SLC13A2: variants seen among roughly 807,000 people sequenced by gnomAD.
SLC13A2 encodes the protein solute carrier family 13 member 2.
In SLC13A2, 40 loss-of-function variants were observed where a neutral mutation model predicts 58.5. The ratio of observed to expected loss-of-function variants is 0.68; its 90% CI spans 0.53 to 0.89. The LOEUF is 0.89. Ranked by LOEUF, SLC13A2 falls within the 40% of genes least tolerant of loss-of-function variation. The probability of loss-of-function intolerance (pLI) is 0.00; values close to 1 mark genes in which losing one functional copy is unlikely to be tolerated. For synonymous variants in SLC13A2, 341 were observed against 331.6 expected (o/e 1.03, Z -0.31); for missense variants, 694 against 772.6 (o/e 0.90, Z 1.21).
At chr17:28,491,686 G>A in intron 5 of SLC13A2, 44 bp from the exon 6 acceptor site, 1 of 1,610,830 alleles carries the variant, frequency 6.2e-7, no homozygotes, top group Non-Finnish European at 8.5e-7. Flanking sequence ...GGGCTGGGCA[G>A]TTCTCGGGGC....
chr17:28,477,384 CG>C lies in SLC13A2; in HGVS notation c.102+3574del, dbSNP rs369422403. Among the ~76,000 whole-genome samples the C allele has an allele frequency of 5.1e-3, 776 of 151,500 alleles. 4 individuals carry two copies. Among genetic ancestry groups the C allele is most frequent in the African/African-American group, 0.015 (637 of 41,366 alleles). ...AATTTTTTTGTATTTTTAGTAGAGA[CG>C]GGGTTTCACCGTGTTAGCCAGGATG... is the stretch of plus-strand genomic sequence containing the variant. On this transcript the variant is annotated intron_variant, in intron 1 of 11. Transcript: ENST00000314669.
In SLC13A2 at chr17:28,490,534, C is replaced by G. The variant is rs782332790; in HGVS notation, c.312C>G (p.Asn104Lys). 8.1e-6 allele frequency: 13 copies of G among 1,613,764 alleles called. No homozygotes were observed. Among genetic ancestry groups the G allele is most frequent in the Non-Finnish European group, 1.1e-5 (13 of 1,179,810 alleles). The change falls in exon 3 of 12, where the codon AAC (asparagine) becomes AAG (lysine). Residue 104 changes from asparagine to lysine, a missense_variant. Asn to Lys is a moderately conservative substitution (Grantham distance 94). Transcript: ENST00000314669. ...LLVAIAVEHW[N>K]LHKRIALRVL... ...TGGCCATCGCGGTGGAACACTGGAA[C>G]CTGCATAAACGCATCGCCCTCCGTG...
intron 1 of SLC13A2, chr17:28,487,672 A>C: frequency 1.5e-6 from 1 of 670,278 alleles, no homozygotes; most frequent in Non-Finnish European, 1.8e-6. Context: ...GTAACTGGCC[A>C]TTCAGTCATT....
At chr17:28,475,768 C>T (rs1042755271) in intron 1 of SLC13A2, among the ~76,000 whole-genome samples, 2 of 152,170 alleles carry the variant, frequency 1.3e-5, no homozygotes, top group East Asian at 3.9e-4. Context: ...ACACCTTCTC[C>T]TGGTTCCTGC....
intron 1 of SLC13A2, among the ~76,000 whole-genome samples, chr17:28,474,443 G>A (rs1003264046): frequency 9.9e-5 from 15 of 152,028 alleles, no homozygotes; most frequent in Admixed American, 9.2e-4. Flanking sequence ...TCCGCCCCCA[G>A]CAGAAGTCAT....
rs184205888 is a variant in SLC13A2 at position 28,494,853 on chromosome 17, G to T, written c.1308+341G>T. Among the ~76,000 whole-genome samples the T allele has an allele frequency of 1.1e-3, 173 of 152,274 alleles. No individual in the cohort carries two copies. Among genetic ancestry groups the T allele is most frequent in the Non-Finnish European group, 1.8e-3 (120 of 68,024 alleles). On this transcript the variant is annotated intron_variant, in intron 9 of 11. Transcript: ENST00000314669. This position sits in a 1 kb window ranked among gnomAD's most constrained non-coding sequence, Gnocchi z 4.0. ...TAGCATCAGCACCAAAGTAATTGGG[G>T]GTTGTGTTGACGCGGTCTGCCCTCC...
intron 1 of SLC13A2, among the ~76,000 whole-genome samples, chr17:28,477,347 C>T (rs2068698072): frequency 6.6e-6 from 1 of 151,330 alleles, no homozygotes; most frequent in Admixed American, 6.6e-5. Flanking sequence ...TCACCTGCCA[C>T]CACGCCCGGC....
chr17:28,495,307 G>A (rs782061355), intron 9 of SLC13A2, among the ~76,000 whole-genome samples: 2 of 152,150 alleles, frequency 1.3e-5, no homozygotes, highest in Non-Finnish European at 2.9e-5. Flanking sequence ...GACTGGAAGG[G>A]GCAGGAAGAG....
rs782811051 is a variant in SLC13A2 at position 28,490,483 on chromosome 17, C to T, written c.261C>T (p.Asn87=). 1.2e-6 allele frequency: 2 copies of T among 1,614,160 alleles called. No individual in the cohort carries two copies. Among genetic ancestry groups the T allele is most frequent in the Non-Finnish European group, 1.7e-6 (2 of 1,180,038 alleles). ...CCGTCGAGTATCTTAAGGACTCCAA[C>T]CTCCTGTTCTTCGGGGGGCTGCTGG... ...EVAVEYLKDS[N]LLFFGGLLVA... The change falls in exon 3 of 12, where the codon AAC becomes AAT. Residue 87 remains asparagine (N), a synonymous_variant. Coordinates refer to ENST00000314669, the MANE Select transcript of SLC13A2 (RefSeq NM_003984.4).
intron 1 of SLC13A2, among the ~76,000 whole-genome samples, chr17:28,488,733 CTCTG>C (rs1330695367): frequency 6.6e-6 from 1 of 152,216 alleles, no homozygotes; most frequent in Non-Finnish European, 1.5e-5. Context: ...ACAAAACCGA[CTCTG>C]TCTGATGGAG....
At chr17:28,473,881 T>C in intron 1 of SLC13A2, 67 bp downstream of exon 1, 1 of 1,374,558 alleles carries the variant, frequency 7.3e-7, no homozygotes, top group South Asian at 1.2e-5. Context: ...TGGGCCGGGG[T>C]TGGGCATCCT....
Position 28,473,756 on chromosome 17 carries a change from T to C in SLC13A2, c.44T>C (p.Leu15Pro). ...WQALWAYRSY[L>P]IVFFVPILLL... ...GCCCTGTGGGCCTATCGCTCCTACC[T>C]GATCGTGTTCTTCGTGCCCATTCTC... is the stretch of plus-strand genomic sequence containing the variant. Residue 15 changes from leucine (L) to proline (P), a missense_variant, in exon 1 of 12, where the codon CTG becomes CCG. Transcript: ENST00000314669. 1.2e-6 allele frequency: 2 copies of C among 1,614,196 alleles called. No individual in the cohort carries two copies. Among genetic ancestry groups the C allele is most frequent in the South Asian group, 1.1e-5 (1 of 91,086 alleles).
intron 6 of SLC13A2, 31 bp from the exon 7 acceptor site, chr17:28,493,540 C>T (rs2069070909): frequency 6.4e-7 from 1 of 1,559,214 alleles, no homozygotes; most frequent in Non-Finnish European, 8.7e-7. Flanking sequence ...GAGCAGGCCC[C>T]CCACGAGCTG....
chr17:28,493,583 C>A lies in SLC13A2; in HGVS notation c.891C>A (p.Asn297Lys), dbSNP rs1197096531. 1.2e-6 allele frequency: 2 copies of A among 1,604,756 alleles called. No individual in the cohort carries two copies. The highest frequency in any genetic ancestry group is 2.7e-5 in the African/African-American group (2 of 74,782). Reference protein sequence around the residue: ...ILFLGFNFRKNFGIGEKMQEQ... With the variant: ...ILFLGFNFRKKFGIGEKMQEQ... ...CCTCTGCCTGCAGCTTCCGGAAGAA[C>A]TTTGGCATTGGGGAAAAGATGCAGG... The change falls in exon 7 of 12, where the codon AAC becomes AAA. Residue 297 changes from asparagine to lysine, a missense_variant. Asn to Lys is a moderately conservative substitution (Grantham distance 94, BLOSUM62 0). Coordinates refer to ENST00000314669, the MANE Select transcript of SLC13A2 (RefSeq NM_003984.4).
chr17:28,491,706 C>A lies in SLC13A2; in HGVS notation c.756-24C>A, dbSNP rs369318590. On this transcript the variant is annotated intron_variant, in intron 5 of 11. Coordinates refer to ENST00000314669, the MANE Select transcript of SLC13A2 (RefSeq NM_003984.4). ...GGGCAGTTCTCGGGGCAATGTCACACGGCAGCCCATGTTCCTCCTTCAGGC... is the reference window on the plus strand; with the variant it reads ...GGGCAGTTCTCGGGGCAATGTCACAAGGCAGCCCATGTTCCTCCTTCAGGC... 6.2e-6 allele frequency: 10 copies of A among 1,612,730 alleles called. No individual in the cohort carries two copies. The African/African-American group carries it at 1.3e-4, about 22-fold the overall frequency.
At chr17:28,481,697 A>G (rs1420291277) in intron 1 of SLC13A2, among the ~76,000 whole-genome samples, 1 of 152,228 alleles carries the variant, frequency 6.6e-6, no homozygotes, top group Non-Finnish European at 1.5e-5. Context: ...TGGTTATTAC[A>G]GAAGTTGTGA....
intron 7 of SLC13A2, 31 bp downstream of exon 7, chr17:28,493,820 C>G: frequency 6.2e-7 from 1 of 1,608,398 alleles, no homozygotes; most frequent in Non-Finnish European, 8.5e-7. Context: ...GAGGAGGACA[C>G]ATCTGGGGCT....
chr17:28,496,102 C>G lies in SLC13A2; in HGVS notation c.1470+286C>G, dbSNP rs1187709657. On this transcript the variant is annotated intron_variant, in intron 10 of 11. Coordinates refer to ENST00000314669, the MANE Select transcript of SLC13A2 (RefSeq NM_003984.4). This position sits in a 1 kb window ranked among gnomAD's most constrained non-coding sequence, Gnocchi z 4.2. ...ACCCCAGTCCCTGTTCTGGTCATTC[C>G]TGAGGTGACGGGGTGAAATTGCTCC... 4.6e-5 allele frequency among the ~76,000 whole-genome samples: 7 copies of G among 152,162 alleles called. No individual in the cohort carries two copies. Among genetic ancestry groups the G allele is most frequent in the African/African-American group, 1.7e-4 (7 of 41,442 alleles).
intron 1 of SLC13A2, among the ~76,000 whole-genome samples, chr17:28,479,156 G>C (rs1555600613): frequency 6.6e-6 from 1 of 152,086 alleles, no homozygotes; most frequent in African/African-American, 2.4e-5. Flanking sequence ...TGAGGCTGCA[G>C]TGAGCCATAT....
Sources: allele counts gnomAD v4.1 joint callset (sites outside exome capture counted in the v4.1 genomes callset), GRCh38; gene constraint gnomAD v4.1.1; non-coding constraint Gnocchi (gnomAD v3.1); transcripts MANE v1.5; gene names NCBI Gene and HGNC (gene_info 2026-07-23, HGNC 2026-07-21).